The following XPO4 variants were observed in gnomAD, a reference collection of about 807,000 sequenced individuals.
The protein encoded by XPO4 is exportin-4.
XPO4 carries 39 observed loss-of-function variants against 143.0 expected under a neutral mutation model. The observed-to-expected ratio is 0.27, with a 90% CI of 0.21 to 0.36. The LOEUF is 0.36. XPO4 is among the 10% of genes least tolerant of loss of function. The pLI, the probability that XPO4 is intolerant of heterozygous loss-of-function variation, is 1.00. For synonymous variants in XPO4, 439 were observed against 474.0 expected, an observed-to-expected ratio of 0.93 and a Z score of 0.96; for missense variants, 907 against 1,348.0, an observed-to-expected ratio of 0.67 and a Z score of 5.12.
chr13:20,856,373 T>C (rs1316690705), intron 3 of XPO4: 4 of 985,216 alleles, frequency 4.1e-6, no homozygotes, highest in South Asian at 9.4e-5. Context: ...CTCCATGTGA[T>C]GACAGAAGCA....
rs985590357 is a variant in XPO4, at chr13:20,865,530, G to A, written c.176-2672C>T. 9.2e-6 allele frequency: 9 copies of A among 980,066 alleles called. No homozygotes were observed. In the African/African-American group the frequency reaches 1.2e-4, roughly 13 times the overall value. 60.7% of individuals were successfully genotyped at this position (980,066 alleles called of 1,614,324 possible). A position where few individuals can be genotyped will look rare whatever the true frequency, so the allele number is the denominator to read the frequency against. On this transcript the variant is annotated intron_variant, in intron 2 of 22. Coordinates refer to ENST00000255305, the MANE Select transcript of XPO4 (RefSeq NM_022459.5). Reference sequence around the variant, plus strand: ...TTATTTTAGGTCACTTTAGCAAAATGCTTTCATCTGCTACCACAGTAACTT... The same window carrying A: ...TTATTTTAGGTCACTTTAGCAAAATACTTTCATCTGCTACCACAGTAACTT...
chr13:20,846,271 C>G (rs948252047), intron 4 of XPO4, among the ~76,000 whole-genome samples: 1 of 152,202 alleles, frequency 6.6e-6, no homozygotes, highest in Non-Finnish European at 1.5e-5. Flanking sequence ...TACGTACTCA[C>G]AAAAGCTTTA....
intron 1 of XPO4, chr13:20,902,249 G>C: frequency 1.0e-6 from 1 of 985,332 alleles, no homozygotes; most frequent in Non-Finnish European, 1.2e-6. Flanking sequence ...CAGCACCCAG[G>C]CTGTGCCATC....
chr13:20,787,440 G>T (rs772224132), intron 21 of XPO4, 41 bp downstream of exon 21: 1 of 1,567,832 alleles, frequency 6.4e-7, no homozygotes, highest in South Asian at 1.1e-5. Context: ...CCACACTTTT[G>T]AAAGTAGCTG....
At chr13:20,848,495 C>T in intron 4 of XPO4, 1 of 985,344 alleles carries the variant, frequency 1.0e-6, no homozygotes, top group Non-Finnish European at 1.2e-6. Context: ...TGTAATTACA[C>T]CAGGTTACAA....
intron 2 of XPO4, among the ~76,000 whole-genome samples, chr13:20,867,181 C>T (rs902980321): frequency 6.6e-6 from 1 of 152,170 alleles, no homozygotes; most frequent in Non-Finnish European, 1.5e-5. Flanking sequence ...CGAATCCACA[C>T]AACTATAAAA....
intron 1 of XPO4, among the ~76,000 whole-genome samples, chr13:20,891,968 A>G (rs926519591): frequency 6.6e-6 from 1 of 151,726 alleles, no homozygotes; most frequent in African/African-American, 2.4e-5. Flanking sequence ...TACAGACAGG[A>G]TGTTTCACAC....
chr13:20,876,477 G>T (rs2138149618), intron 1 of XPO4, among the ~76,000 whole-genome samples: 1 of 152,052 alleles, frequency 6.6e-6, no homozygotes, highest in Admixed American at 6.6e-5. Context: ...GGAACAACTG[G>T]CAATTTCTAA....
intron 8 of XPO4, 77 bp from the exon 9 acceptor site, chr13:20,821,955 C>A: frequency 1.4e-6 from 2 of 1,432,108 alleles, no homozygotes; most frequent in Non-Finnish European, 1.9e-6. Flanking sequence ...TCCAAACAAG[C>A]AAATATCGTT....
intron 1 of XPO4, among the ~76,000 whole-genome samples, chr13:20,875,369 T>C (rs2060341177): frequency 6.6e-6 from 1 of 152,160 alleles, no homozygotes; most frequent in African/African-American, 2.4e-5. Context: ...CAAAACAAAT[T>C]TGAGAGTCAC....
chr13:20,803,234 T>C lies in XPO4; in HGVS notation c.1818-2244A>G, dbSNP rs1345421056. On this transcript the variant is annotated intron_variant, in intron 13 of 22. Coordinates refer to ENST00000255305, the MANE Select transcript of XPO4 (RefSeq NM_022459.5). The surrounding 1 kb of genome is among the most constrained non-coding windows in gnomAD (Gnocchi z 4.1). ...TTGATGTGATTAGGTCCTCTTGTTATTTAATGCAAAGGACTGAAACCTGCT... is the reference window on the plus strand; with the variant it reads ...TTGATGTGATTAGGTCCTCTTGTTACTTAATGCAAAGGACTGAAACCTGCT... Among the ~76,000 whole-genome samples the C allele has an allele frequency of 1.3e-5, 2 of 152,354 alleles. No individual in the cohort carries two copies. Among genetic ancestry groups the C allele is most frequent in the East Asian group, 1.9e-4 (1 of 5,182 alleles).
At chr13:20,883,283 G>A (rs1226336992) in intron 1 of XPO4, among the ~76,000 whole-genome samples, 1 of 152,222 alleles carries the variant, frequency 6.6e-6, no homozygotes, top group Non-Finnish European at 1.5e-5. Flanking sequence ...AGAAAGGAAA[G>A]ATGTAGACTC....
intron 3 of XPO4, among the ~76,000 whole-genome samples, chr13:20,857,530 A>G (rs1334339895): frequency 6.6e-6 from 1 of 152,044 alleles, no homozygotes; most frequent in Non-Finnish European, 1.5e-5. Flanking sequence ...GATAGAGACC[A>G]TCCTGGCTAA....
intron 6 of XPO4, among the ~76,000 whole-genome samples, chr13:20,842,030 A>G (rs1314336689): frequency 6.6e-6 from 1 of 152,190 alleles, no homozygotes; most frequent in Non-Finnish European, 1.5e-5. Context: ...CACGGAGGCT[A>G]TTAAGAGCTC....
chr13:20,822,020 G>A, intron 8 of XPO4, 112 bp downstream of exon 8: 1 of 1,398,046 alleles, frequency 7.2e-7, no homozygotes, highest in Non-Finnish European at 9.6e-7. Context: ...TTACCCATAT[G>A]ACTTTACTTC....
At chr13:20,878,752 C>T (rs2060378403) in intron 1 of XPO4, among the ~76,000 whole-genome samples, 1 of 152,124 alleles carries the variant, frequency 6.6e-6, no homozygotes, top group African/African-American at 2.4e-5. Context: ...TCAAAGGGGG[C>T]TTCAATTATA....
At position 20,821,721 on chromosome 13, in the gene XPO4, C is replaced by T. The variant is rs2059721979; in HGVS notation, c.1156G>A (p.Ala386Thr). Residue 386 changes from alanine (A) to threonine (T), a missense_variant, in exon 9 of 23, where the codon GCT becomes ACT. By Grantham distance (58) the Ala-to-Thr change is moderately conservative (BLOSUM62 0). Transcript: ENST00000255305. ...THLTCSFGRS[A>T]ALEEVLDKDD... ...TCACTCACCACTTCTTCCAATGCAG[C>T]ACTTCGCCCAAAAGAACAAGTGAGG... is the stretch of plus-strand genomic sequence containing the variant. The T allele has an allele frequency of 6.2e-7, 1 of 1,613,000 alleles. No individual in the cohort carries two copies. The highest frequency in any genetic ancestry group is 1.1e-5 in the South Asian group (1 of 90,846).
chr13:20,902,141 G>T (rs1054191855), intron 1 of XPO4: 2 of 985,204 alleles, frequency 2.0e-6, no homozygotes, highest in Non-Finnish European at 2.4e-6. Flanking sequence ...CAGCCGGCCC[G>T]GCCCTTCCAC....
At chr13:20,876,264 G>GAAAAAAA (rs35708026) in intron 1 of XPO4, among the ~76,000 whole-genome samples, 2 of 81,906 alleles carry the variant, frequency 2.4e-5, no homozygotes, top group African/African-American at 9.3e-5. Flanking sequence ...CTCCATCTCG[G>GAAAAAAA]AAAAAAAAAA....
Sources: allele counts gnomAD v4.1 joint callset (sites outside exome capture counted in the v4.1 genomes callset), GRCh38; gene constraint gnomAD v4.1.1; non-coding constraint Gnocchi (gnomAD v3.1); transcripts MANE v1.5; gene names NCBI Gene and HGNC (gene_info 2026-07-23, HGNC 2026-07-21).